PRKAG2: variants seen among roughly 807,000 people sequenced by gnomAD.
PRKAG2 encodes protein kinase AMP-activated non-catalytic subunit gamma 2, also known as 5'-AMP-activated protein kinase subunit gamma-2.
A neutral mutation model predicts 69.6 loss-of-function variants in PRKAG2; 26 were observed. The ratio of observed to expected loss-of-function variants is 0.37; its 90% CI spans 0.27 to 0.52. PRKAG2 has a LOEUF of 0.52. Ranked by LOEUF, PRKAG2 falls within the 20% of genes least tolerant of loss-of-function variation. PRKAG2 has a pLI of 0.90. For synonymous variants in PRKAG2, 293 were observed against 285.0 expected (o/e 1.03, Z -0.28); for missense variants, 557 against 740.0 (o/e 0.75, Z 2.87).
chr7:151,643,213 T>G (rs1827036444), intron 4 of PRKAG2, among the ~76,000 whole-genome samples: 1 of 152,228 alleles, frequency 6.6e-6, no homozygotes. Context: ...ACTCTTAGTA[T>G]TGTCTTATAA....
intron 14 of PRKAG2, among the ~76,000 whole-genome samples, chr7:151,562,795 G>A (rs538566530): frequency 6.7e-6 from 1 of 150,022 alleles, no homozygotes; most frequent in East Asian, 2.0e-4. Flanking sequence ...GTGAAACCCC[G>A]TCTCTACTAA....
At chr7:151,802,960 A>T (rs1240436500) in intron 1 of PRKAG2, among the ~76,000 whole-genome samples, 3 of 130,860 alleles carry the variant, frequency 2.3e-5, no homozygotes, top group East Asian at 2.2e-4. Context: ...ATATATATAT[A>T]TATTTTTTTT....
intron 3 of PRKAG2, among the ~76,000 whole-genome samples, chr7:151,693,761 C>T (rs1228201748): frequency 2.0e-5 from 3 of 152,178 alleles, no homozygotes; most frequent in Non-Finnish European, 4.4e-5. Context: ...CTCCTCCTTC[C>T]ACCATGTGAG....
At chr7:151,659,236 TA>T (rs564942711) in intron 4 of PRKAG2, among the ~76,000 whole-genome samples, 1 of 152,258 alleles carries the variant, frequency 6.6e-6, no homozygotes, top group African/African-American at 2.4e-5. Flanking sequence ...TGCATAGACT[TA>T]AAAAAAATTT....
At chr7:151,688,484 G>T (rs1326723565) in intron 3 of PRKAG2, among the ~76,000 whole-genome samples, 1 of 152,176 alleles carries the variant, frequency 6.6e-6, no homozygotes, top group African/African-American at 2.4e-5. Flanking sequence ...TGTGGGGAGG[G>T]TCCAGTGGCT....
intron 1 of PRKAG2, among the ~76,000 whole-genome samples, chr7:151,846,232 TG>T (rs1464989823): frequency 6.6e-6 from 1 of 152,094 alleles, no homozygotes; most frequent in African/African-American, 2.4e-5. Flanking sequence ...CCCAGCACTT[TG>T]GGGGTGGGCA....
rs1315370767 is a variant in PRKAG2 at position 151,777,126 on chromosome 7, G to A, written c.466+4026C>T. Among the ~76,000 whole-genome samples, 1 of 152,198 alleles carries A rather than the reference G, an allele frequency of 6.6e-6. No homozygotes were observed. Among genetic ancestry groups the A allele is most frequent in the Admixed American group, 6.5e-5 (1 of 15,286 alleles). On this transcript the variant is annotated intron_variant, in intron 3 of 15. Transcript: ENST00000287878. The surrounding 1 kb of genome is among the most constrained non-coding windows in gnomAD (Gnocchi z 4.3). ...AAGGAAAGGGTGGAGGGGAGTCTGG[G>A]AGCTTCCTCCTGTGCAGACCACAGG...
chr7:151,866,687 G>A (rs1391143277), intron 1 of PRKAG2, among the ~76,000 whole-genome samples: 1 of 152,154 alleles, frequency 6.6e-6, no homozygotes, highest in African/African-American at 2.4e-5. Context: ...GGTGATGTAT[G>A]CTTCAAGCCC....
chr7:151,673,181 C>A (rs1454465189), intron 4 of PRKAG2, among the ~76,000 whole-genome samples: 1 of 152,200 alleles, frequency 6.6e-6, no homozygotes, highest in Non-Finnish European at 1.5e-5. Context: ...AAGAGCCCTG[C>A]GTCTGTGTCT....
chr7:151,758,289 C>A (rs899936601), intron 3 of PRKAG2, among the ~76,000 whole-genome samples: 4 of 152,210 alleles, frequency 2.6e-5, no homozygotes, highest in Non-Finnish European at 5.9e-5. Flanking sequence ...CAAAGGCCAC[C>A]TTGTCTCACT....
chr7:151,818,080 T>C (rs1232764433), intron 1 of PRKAG2, among the ~76,000 whole-genome samples: 1 of 152,224 alleles, frequency 6.6e-6, no homozygotes, highest in African/African-American at 2.4e-5. Context: ...AGGTACCACC[T>C]GAGTGTGCAG....
chr7:151,572,361 T>C lies in PRKAG2; in HGVS notation c.1051+303A>G, dbSNP rs968673653. 14 of 247,756 alleles carry C rather than the reference T, an allele frequency of 5.7e-5. No individual in the cohort carries two copies. The Admixed American group carries it at 7.2e-4, about 13-fold the overall frequency. 15.3% of individuals were successfully genotyped at this position (247,756 alleles called of 1,614,324 possible). On this transcript the variant is annotated intron_variant, in intron 9 of 15. Coordinates refer to ENST00000287878, the MANE Select transcript of PRKAG2 (RefSeq NM_016203.4). The stretch of plus-strand genomic sequence containing the variant: ...AGGGCTTAGACTTAGTAGTGAGCGG[T>C]GGCCCCATTGTGGGCAGCGAGGTGG...
In PRKAG2 at chr7:151,807,512, T is replaced by C; in HGVS notation, c.115-20971A>G. 2.2e-6 allele frequency: 1 copy of C among 457,864 alleles called. No homozygotes were observed. The allele number at this position is 457,864 out of a possible 1,614,324, so 28.4% of individuals were successfully genotyped here. A position where few individuals can be genotyped will look rare whatever the true frequency, so the allele number is the denominator to read the frequency against. On this transcript the variant is annotated intron_variant, in intron 1 of 15. Transcript: ENST00000287878. The surrounding 1 kb of genome is among the most constrained non-coding windows in gnomAD (Gnocchi z 4.4). ...CTATCAGATCGGGCACACTGCCCCT[T>C]CTTCCCAACCTACGAGCTGAAATGG...
chr7:151,867,261 T>C (rs1362279937), intron 1 of PRKAG2, among the ~76,000 whole-genome samples: 2 of 152,184 alleles, frequency 1.3e-5, no homozygotes, highest in Non-Finnish European at 2.9e-5. Flanking sequence ...ATTAGGTTCC[T>C]GGGCTGTGAT....
chr7:151,845,548 G>A (rs999659762), intron 1 of PRKAG2, among the ~76,000 whole-genome samples: 10 of 152,142 alleles, frequency 6.6e-5, no homozygotes, highest in Admixed American at 2.6e-4. Flanking sequence ...GGGAGGAAGC[G>A]GTGGTGGCCC....
intron 3 of PRKAG2, among the ~76,000 whole-genome samples, chr7:151,757,044 T>C (rs1199306771): frequency 6.6e-6 from 1 of 152,154 alleles, no homozygotes; most frequent in Non-Finnish European, 1.5e-5. Context: ...GGTCTTGCTC[T>C]ATATTTAGGG....
intron 3 of PRKAG2, among the ~76,000 whole-genome samples, chr7:151,689,035 G>T (rs765714994): frequency 6.6e-6 from 1 of 152,236 alleles, no homozygotes; most frequent in Non-Finnish European, 1.5e-5. Context: ...GGCTGAAAAT[G>T]AAGTGGAAAA....
intron 4 of PRKAG2, among the ~76,000 whole-genome samples, chr7:151,663,604 C>T (rs928086677): frequency 7.9e-5 from 12 of 152,192 alleles, no homozygotes; most frequent in African/African-American, 2.9e-4. Context: ...AAGTGATCTG[C>T]CCACCTCGGC....
intron 1 of PRKAG2, among the ~76,000 whole-genome samples, chr7:151,874,833 G>C (rs556641179): frequency 6.6e-6 from 1 of 152,320 alleles, no homozygotes; most frequent in East Asian, 1.9e-4. Flanking sequence ...AGGCTGCAGT[G>C]AGCCATGATT....
Sources: gnomAD v4.1 joint callset for allele counts (sites outside exome capture counted in the v4.1 genomes callset) on GRCh38, gnomAD v4.1.1 for gene constraint, Gnocchi (gnomAD v3.1) non-coding constraint, MANE v1.5 for transcripts, NCBI Gene and HGNC (gene_info 2026-07-23, HGNC 2026-07-21) for gene names.